SEMA6A: variants seen among roughly 807,000 people sequenced by gnomAD.
SEMA6A encodes semaphorin-6A.
In SEMA6A, 25 loss-of-function variants were observed where a neutral mutation model predicts 96.8. The observed-to-expected ratio is 0.26, with a 90% CI of 0.19 to 0.36. The LOEUF (loss-of-function observed/expected upper bound fraction) is 0.36, where lower values mean the gene tolerates loss of function less well. Ranked by LOEUF, SEMA6A falls within the 10% of genes least tolerant of loss-of-function variation. The pLI is 1.00. For missense variants in SEMA6A, 1,363 were observed against 1,323.1 expected (o/e 1.03, Z -0.47); for synonymous variants, 612 against 518.0 (o/e 1.18, Z -2.46).
intron 3 of SEMA6A, among the ~76,000 whole-genome samples, chr5:116,499,671 G>A (rs1040816460): frequency 6.6e-6 from 1 of 152,206 alleles, no homozygotes; most frequent in Admixed American, 6.5e-5. Flanking sequence ...AAACAAACAT[G>A]TCAATGCTAC....
intron 6 of SEMA6A, among the ~76,000 whole-genome samples, chr5:116,492,175 A>G (rs938208774): frequency 7.9e-5 from 12 of 152,168 alleles, no homozygotes; most frequent in African/African-American, 7.2e-5. Context: ...CATGTATTCA[A>G]AAATGATGCT....
intron 7 of SEMA6A, among the ~76,000 whole-genome samples, chr5:116,490,984 A>C (rs1186776169): frequency 3.9e-5 from 6 of 152,204 alleles, no homozygotes; most frequent in Non-Finnish European, 5.9e-5. Flanking sequence ...CTATTTCTTT[A>C]TATCTTTTGC....
intron 10 of SEMA6A, among the ~76,000 whole-genome samples, chr5:116,485,554 C>T (rs74367252): frequency 0.021 from 3,269 of 152,256 alleles, 46 homozygotes; most frequent in Non-Finnish European, 0.034. Context: ...CAGTGGGGAG[C>T]TTGACTCTCA....
chr5:116,509,685 A>G lies in SEMA6A; in HGVS notation c.-38-4703T>C, dbSNP rs17139968. Among the ~76,000 whole-genome samples the G allele has an allele frequency of 9.2e-3, 1,404 of 152,196 alleles. 28 individuals are homozygous for G. The highest frequency in any genetic ancestry group is 0.033 in the African/African-American group (1,359 of 41,506). On this transcript the variant is annotated intron_variant, in intron 1 of 18. Transcript: ENST00000343348. ...GCCTCTGGGTCATGTAACACATTCCAAAGCCAGGAACATCACCTGGAGAGA... is the reference window on the plus strand; with the variant it reads ...GCCTCTGGGTCATGTAACACATTCCGAAGCCAGGAACATCACCTGGAGAGA...
chr5:116,571,040 G>A (rs115624398), intron 1 of SEMA6A, among the ~76,000 whole-genome samples: 10 of 152,128 alleles, frequency 6.6e-5, no homozygotes, highest in Admixed American at 5.2e-4. Flanking sequence ...AACTTGAGGG[G>A]TGTGTGTTGT....
At position 116,514,545 on chromosome 5, in the gene SEMA6A, C is replaced by T. The variant is rs114201910; in HGVS notation, c.-38-9563G>A. Among the ~76,000 whole-genome samples the T allele has an allele frequency of 2.6e-5, 4 of 152,092 alleles. No homozygotes were observed. In the South Asian group the frequency reaches 8.3e-4, roughly 32 times the overall value. On this transcript the variant is annotated intron_variant, in intron 1 of 18. Transcript: ENST00000343348. ...CGGACATCTGCTTCAGATGCAGAAA[C>T]AAATGCCTCCTATAATTTGCTGTTA...
chr5:116,513,315 C>T (rs907830941), intron 1 of SEMA6A, among the ~76,000 whole-genome samples: 4 of 151,940 alleles, frequency 2.6e-5, no homozygotes, highest in Non-Finnish European at 5.9e-5. Flanking sequence ...TTAGTAGAGA[C>T]GGGGTTTCTC....
intron 18 of SEMA6A, among the ~76,000 whole-genome samples, chr5:116,454,830 G>A (rs796490312): frequency 5.9e-5 from 9 of 151,826 alleles, no homozygotes; most frequent in African/African-American, 1.9e-4. Flanking sequence ...GTGCGCGTGT[G>A]TGTGTATGTA....
At chr5:116,473,204 A>T in intron 16 of SEMA6A, 111 bp from the exon 17 acceptor site, 1 of 1,014,496 alleles carries the variant, frequency 9.9e-7, no homozygotes, top group South Asian at 1.5e-5. Context: ...ATGGTCCCCG[A>T]TACTAAGTAA....
At chr5:116,482,372 A>T in intron 11 of SEMA6A, 72 bp downstream of exon 11, 8 of 1,507,704 alleles carry the variant, frequency 5.3e-6, no homozygotes, top group Non-Finnish European at 7.2e-6. Flanking sequence ...AGTTCATAGG[A>T]TGTTCATTAT....
chr5:116,464,836 T>A (rs910349184), intron 18 of SEMA6A, among the ~76,000 whole-genome samples: 1 of 152,218 alleles, frequency 6.6e-6, no homozygotes, highest in Admixed American at 6.5e-5. Flanking sequence ...ACCAGCTCAC[T>A]GGCAGTCAGC....
intron 18 of SEMA6A, among the ~76,000 whole-genome samples, 165 bp from the exon 19 acceptor site, chr5:116,447,976 C>T (rs879727556): frequency 2.0e-5 from 3 of 152,124 alleles, no homozygotes; most frequent in Non-Finnish European, 4.4e-5. Flanking sequence ...AATTAATCCT[C>T]CCCAAGCCCC....
At chr5:116,507,469 A>T (rs463531) in intron 1 of SEMA6A, among the ~76,000 whole-genome samples, 70,014 of 151,674 alleles carry the variant, frequency 0.46, 17,662 homozygotes, top group Non-Finnish European at 0.56. Context: ...TCCTAAGATG[A>T]CGCAATACAG....
intron 18 of SEMA6A, among the ~76,000 whole-genome samples, chr5:116,465,330 A>T (rs1184221492): frequency 6.6e-6 from 1 of 152,262 alleles, no homozygotes; most frequent in Non-Finnish European, 1.5e-5. Context: ...ATAAATCATG[A>T]ACATTAAACA....
intron 1 of SEMA6A, among the ~76,000 whole-genome samples, chr5:116,513,493 A>G (rs893527946): frequency 6.6e-6 from 1 of 152,020 alleles, no homozygotes; most frequent in African/African-American, 2.4e-5. Context: ...ATTTTGTACA[A>G]TTCCTCTGGA....
At chr5:116,495,624 G>A in intron 5 of SEMA6A, 110 bp from the exon 6 acceptor site, 1 of 706,034 alleles carries the variant, frequency 1.4e-6, no homozygotes, top group South Asian at 1.9e-5. Flanking sequence ...GGTGGCTGAG[G>A]ACTTCTCCCA....
At chr5:116,475,123 A>T (rs949061115) in intron 16 of SEMA6A, among the ~76,000 whole-genome samples, 1 of 152,210 alleles carries the variant, frequency 6.6e-6, no homozygotes, top group African/African-American at 2.4e-5. Context: ...TTGTTAGTCG[A>T]TATGTTCAAG....
At chr5:116,494,703 G>A (rs1757496827) in intron 6 of SEMA6A, among the ~76,000 whole-genome samples, 1 of 152,192 alleles carries the variant, frequency 6.6e-6, no homozygotes, top group South Asian at 2.1e-4. Flanking sequence ...TCAGCGATGG[G>A]CCACAGTAGA....
At chr5:116,502,970 G>A (rs1252737183) in intron 2 of SEMA6A, among the ~76,000 whole-genome samples, 1 of 152,246 alleles carries the variant, frequency 6.6e-6, no homozygotes. Flanking sequence ...GTCAAACTGA[G>A]TGTAGCCAGT....
Sources: gnomAD v4.1 joint callset for allele counts (sites outside exome capture counted in the v4.1 genomes callset) on GRCh38, gnomAD v4.1.1 for gene constraint, MANE v1.5 for transcripts, NCBI Gene and HGNC (gene_info 2026-07-23, HGNC 2026-07-21) for gene names.